EPHA3: variants seen among roughly 807,000 people sequenced by gnomAD.
The protein encoded by EPHA3 is EPH receptor A3, also known as ephrin type-A receptor 3.
In EPHA3, 42 loss-of-function variants were observed where a neutral mutation model predicts 107.1. That is an observed-to-expected ratio of 0.39 (90% CI 0.31 to 0.51). The LOEUF (loss-of-function observed/expected upper bound fraction) is 0.51. Among genes scored for constraint, EPHA3 ranks in the 20% least tolerant of loss-of-function variants. The pLI is 0.78. For synonymous variants in EPHA3, 461 were observed against 424.8 expected, an observed-to-expected ratio of 1.09 and a Z score of -1.05; for missense variants, 1,183 against 1,211.2, an observed-to-expected ratio of 0.98 and a Z score of 0.35.
At chr3:89,276,391 A>T (rs1705807859) in intron 3 of EPHA3, among the ~76,000 whole-genome samples, 1 of 152,102 alleles carries the variant, frequency 6.6e-6, no homozygotes, top group Non-Finnish European at 1.5e-5. Context: ...CAAATTCTTT[A>T]AACTGGATAC....
intron 3 of EPHA3, among the ~76,000 whole-genome samples, chr3:89,292,551 C>A (rs568210874): frequency 1.3e-4 from 20 of 152,108 alleles, no homozygotes; most frequent in Non-Finnish European, 2.4e-4. Flanking sequence ...GAATAAAATG[C>A]CCTCCTTGAA....
rs760579355 is a variant in EPHA3 at position 89,210,012 on chromosome 3, T to A, written c.306T>A (p.Thr102=). 6.2e-6 allele frequency: 10 copies of A among 1,613,884 alleles called. No individual in the cohort carries two copies. Among genetic ancestry groups the A allele is most frequent in the Middle Eastern group, 1.6e-4 (1 of 6,084 alleles). ...AGATTTATGTGGAGCTCAAGTTCAC[T>A]CTACGAGACTGCAATAGCATTCCAT... ...AQKIYVELKF[T]LRDCNSIPLV... The change falls in exon 3 of 17, where the codon ACT becomes ACA. Residue 102 remains threonine, a synonymous_variant. Transcript: ENST00000336596.
chr3:89,162,550 T>C (rs1051336062), intron 2 of EPHA3, among the ~76,000 whole-genome samples: 4 of 152,306 alleles, frequency 2.6e-5, no homozygotes, highest in Admixed American at 6.5e-5. Context: ...TCCTCAATTG[T>C]AGTTTGGGTT....
At chr3:89,186,983 C>T (rs747481615) in intron 2 of EPHA3, among the ~76,000 whole-genome samples, 25 of 151,834 alleles carry the variant, frequency 1.6e-4, no homozygotes, top group Middle Eastern at 3.4e-3. Context: ...TTTTATGTTT[C>T]GTCTTCTAAT....
At chr3:89,375,779 C>T (rs1382770233) in intron 5 of EPHA3, among the ~76,000 whole-genome samples, 1 of 151,858 alleles carries the variant, frequency 6.6e-6, no homozygotes, top group Admixed American at 6.6e-5. Context: ...CAGACACAAA[C>T]AAAATAGGCC....
At chr3:89,260,887 G>A (rs2107280251) in intron 3 of EPHA3, among the ~76,000 whole-genome samples, 1 of 152,244 alleles carries the variant, frequency 6.6e-6, no homozygotes, top group East Asian at 1.9e-4. Context: ...AGGACTCTAT[G>A]GTCCTCCACA....
At chr3:89,385,340 CAT>C (rs1708593964) in intron 5 of EPHA3, among the ~76,000 whole-genome samples, 3 of 152,178 alleles carry the variant, frequency 2.0e-5, no homozygotes, top group Admixed American at 1.3e-4. Flanking sequence ...ACAATCCCCA[CAT>C]GTTATGGGAC....
chr3:89,210,830 A>G (rs1704054385), intron 3 of EPHA3, among the ~76,000 whole-genome samples: 1 of 152,104 alleles, frequency 6.6e-6, no homozygotes, highest in African/African-American at 2.4e-5. Context: ...CTGGAAGAAA[A>G]ACATTCTATC....
At chr3:89,177,093 C>T (rs572845531) in intron 2 of EPHA3, among the ~76,000 whole-genome samples, 32 of 151,926 alleles carry the variant, frequency 2.1e-4, no homozygotes, top group African/African-American at 7.7e-4. Context: ...TGTGTGTGTG[C>T]ACGTGTGTAT....
At chr3:89,435,400 G>T (rs756649524) in intron 13 of EPHA3, among the ~76,000 whole-genome samples, 4 of 148,854 alleles carry the variant, frequency 2.7e-5, no homozygotes, top group Non-Finnish European at 4.4e-5. Flanking sequence ...AGGAGTTTGA[G>T]ACCAGCCTGG....
At chr3:89,340,709 G>A (rs955121130) in intron 3 of EPHA3, among the ~76,000 whole-genome samples, 17 of 152,166 alleles carry the variant, frequency 1.1e-4, no homozygotes, top group Admixed American at 6.5e-5. Context: ...TCTTGTGTGT[G>A]TGTTTTTCTT....
intron 2 of EPHA3, among the ~76,000 whole-genome samples, chr3:89,187,778 T>C (rs1055985659): frequency 6.6e-6 from 1 of 152,160 alleles, no homozygotes; most frequent in Non-Finnish European, 1.5e-5. Context: ...TAAACACTTA[T>C]CTGAGATAAT....
At chr3:89,189,310 A>G (rs1183939661) in intron 2 of EPHA3, among the ~76,000 whole-genome samples, 1 of 152,174 alleles carries the variant, frequency 6.6e-6, no homozygotes, top group Non-Finnish European at 1.5e-5. Context: ...AACTATACTA[A>G]GAGACTGGGC....
intron 13 of EPHA3, among the ~76,000 whole-genome samples, chr3:89,436,404 C>T (rs1318576597): frequency 6.6e-6 from 1 of 152,164 alleles, no homozygotes; most frequent in African/African-American, 2.4e-5. Context: ...CGCAGTTCAT[C>T]TAGTGTCTGA....
At chr3:89,315,941 G>A (rs1007330921) in intron 3 of EPHA3, among the ~76,000 whole-genome samples, 4 of 151,804 alleles carry the variant, frequency 2.6e-5, no homozygotes, top group Non-Finnish European at 4.4e-5. Context: ...ATCAGTCAAG[G>A]GACAGCCTGA....
Position 89,472,630 on chromosome 3 carries a change from A to G in EPHA3, c.2846+11A>G. On this transcript the variant is annotated intron_variant, in intron 16 of 16. Transcript: ENST00000336596. ...CAAGATTTCCACAGAGTAAGAAAAA[A>G]AAATTCATTAAGAAGAATGAAGGAT... 6.2e-7 allele frequency: 1 copy of G among 1,601,478 alleles called. No individual in the cohort carries two copies. Among genetic ancestry groups the G allele is most frequent in the Non-Finnish European group, 8.5e-7 (1 of 1,175,100 alleles).
chr3:89,210,294 A>G lies in EPHA3; in HGVS notation c.588A>G (p.Arg196=). Residue 196 remains arginine (R), a synonymous_variant, in exon 3 of 17, where the codon AGA becomes AGG. Coordinates refer to ENST00000336596, the MANE Select transcript of EPHA3 (RefSeq NM_005233.6). ...CTTGTGTTGCCTTGGTGTCTGTGAG[A>G]GTATACTTCAAAAAGTGCCCATTTA... is the stretch of plus-strand genomic sequence containing the variant. ...VGACVALVSV[R]VYFKKCPFTV... 2.5e-6 allele frequency: 4 copies of G among 1,613,826 alleles called. No individual in the cohort carries two copies. The highest frequency in any genetic ancestry group is 3.4e-6 in the Non-Finnish European group (4 of 1,179,876).
chr3:89,240,999 G>A (rs941054988), intron 3 of EPHA3, among the ~76,000 whole-genome samples: 5 of 151,592 alleles, frequency 3.3e-5, no homozygotes, highest in Non-Finnish European at 7.4e-5. Context: ...CTTTATAAAC[G>A]TATAATTTAT....
chr3:89,271,059 T>C (rs1325255183), intron 3 of EPHA3, among the ~76,000 whole-genome samples: 2 of 152,058 alleles, frequency 1.3e-5, no homozygotes. Flanking sequence ...TATTTGTAGC[T>C]ATTGTACAAA....
Sources: gnomAD v4.1 joint callset for allele counts (sites outside exome capture counted in the v4.1 genomes callset) on GRCh38, gnomAD v4.1.1 for gene constraint, MANE v1.5 for transcripts, NCBI Gene and HGNC (gene_info 2026-07-23, HGNC 2026-07-21) for gene names.